PRUNE2: variants seen among roughly 807,000 people sequenced by gnomAD.
PRUNE2 encodes the protein protein prune homolog 2.
A neutral mutation model predicts 252.0 loss-of-function variants in PRUNE2; 164 were observed. That is an observed-to-expected ratio of 0.65 (90% CI 0.57 to 0.74). PRUNE2 has a LOEUF of 0.74. Among genes scored for constraint, PRUNE2 ranks in the 30% least tolerant of loss-of-function variants. The pLI, the probability that PRUNE2 is intolerant of heterozygous loss-of-function variation, is 0.00. For synonymous variants in PRUNE2, 1,292 were observed against 1,350.2 expected (o/e 0.96, Z 0.94); for missense variants, 3,495 against 3,711.0 (o/e 0.94, Z 1.51).
intron 9 of PRUNE2, among the ~76,000 whole-genome samples, chr9:76,664,765 G>C: frequency 6.6e-6 from 1 of 152,178 alleles, no homozygotes; most frequent in East Asian, 1.9e-4. Flanking sequence ...CTCCCACTTC[G>C]GCCTCCCAAA....
At chr9:76,646,185 A>G (rs1045568663) in intron 11 of PRUNE2, among the ~76,000 whole-genome samples, 1 of 152,334 alleles carries the variant, frequency 6.6e-6, no homozygotes, top group South Asian at 2.1e-4. Context: ...ATTCACTTCC[A>G]GCAACCCACT....
At chr9:76,870,331 G>T (rs1486509803) in intron 1 of PRUNE2, among the ~76,000 whole-genome samples, 1 of 150,020 alleles carries the variant, frequency 6.7e-6, no homozygotes, top group Non-Finnish European at 1.5e-5. Context: ...AATTTAATTC[G>T]CTGATAATTT....
chr9:76,800,226 G>A (rs1015677993), intron 6 of PRUNE2, among the ~76,000 whole-genome samples: 8 of 141,256 alleles, frequency 5.7e-5, no homozygotes, highest in Non-Finnish European at 9.2e-5. Flanking sequence ...ACAGGCCCCC[G>A]TGTGTGATGT....
chr9:76,755,995 G>A (rs1242769052), intron 6 of PRUNE2, among the ~76,000 whole-genome samples: 4 of 152,130 alleles, frequency 2.6e-5, no homozygotes, highest in East Asian at 3.9e-4. Flanking sequence ...GAGCCACCGC[G>A]CCTGGCCAGG....
intron 1 of PRUNE2, among the ~76,000 whole-genome samples, chr9:76,857,422 A>T (rs1205924205): frequency 6.6e-6 from 1 of 152,188 alleles, no homozygotes; most frequent in African/African-American, 2.4e-5. Flanking sequence ...AAGATGACCC[A>T]GCTTAGAATG....
chr9:76,646,964 G>C (rs547518035), intron 11 of PRUNE2, among the ~76,000 whole-genome samples: 12 of 152,222 alleles, frequency 7.9e-5, no homozygotes, highest in African/African-American at 2.4e-4. Context: ...AAGGCAGGTG[G>C]ATCACTTGAG....
intron 9 of PRUNE2, among the ~76,000 whole-genome samples, chr9:76,701,037 C>CG (rs1256982912): frequency 1.3e-5 from 2 of 152,302 alleles, no homozygotes; most frequent in African/African-American, 4.8e-5. Flanking sequence ...AACTCCTAGA[C>CG]GGCTGACAGT....
intron 6 of PRUNE2, chr9:76,758,555 A>G (rs1193732921): frequency 1.3e-5 from 2 of 149,962 alleles, no homozygotes; most frequent in African/African-American, 4.9e-5. Flanking sequence ...GATGGAGTGC[A>G]GCACCGTGAT....
rs540394006 is a variant in PRUNE2, at chr9:76,678,625, A to C, written c.8277-23123T>G. 4.6e-5 allele frequency among the ~76,000 whole-genome samples: 7 copies of C among 152,054 alleles called. No individual in the cohort carries two copies. In the South Asian group the frequency reaches 6.2e-4, roughly 14 times the overall value. On this transcript the variant is annotated intron_variant, in intron 9 of 18. Transcript: ENST00000376718. ...TGGGCGGATGACGAGGTCAGGAGAT[A>C]GAGACCATCCTGGCTAACACGGTGA...
intron 12 of PRUNE2, among the ~76,000 whole-genome samples, chr9:76,641,304 GA>G (rs1201515604): frequency 1.3e-5 from 2 of 152,200 alleles, no homozygotes; most frequent in Admixed American, 1.3e-4. Context: ...AGTAGCAGGA[GA>G]GGGGATAATT....
intron 6 of PRUNE2, among the ~76,000 whole-genome samples, chr9:76,814,970 T>C (rs1208626265): frequency 2.0e-5 from 3 of 152,194 alleles, no homozygotes; most frequent in Non-Finnish European, 4.4e-5. Flanking sequence ...ACTGTATTTG[T>C]GGCTAGAGTC....
rs1488906342 is a variant in PRUNE2 at position 76,614,549 on chromosome 9, C to T, written c.*21G>A. 2 of 1,604,666 alleles carry T rather than the reference C, an allele frequency of 1.2e-6. No individual in the cohort carries two copies. Among genetic ancestry groups the T allele is most frequent in the East Asian group, 2.2e-5 (1 of 44,802 alleles). On this transcript the variant is annotated 3_prime_UTR_variant, in exon 19 of 19. Transcript: ENST00000376718. ...CAGAACCATGAACCAGAAAAGCATC[C>T]TCTTCTTCCAGCATGGCCAACTAAG...
intron 9 of PRUNE2, among the ~76,000 whole-genome samples, chr9:76,679,915 A>C (rs1348721959): frequency 6.6e-6 from 1 of 152,222 alleles, no homozygotes; most frequent in Admixed American, 6.5e-5. Flanking sequence ...CTTCTAGCAT[A>C]AAACATAGAA....
At position 76,613,187 on chromosome 9, in the gene PRUNE2, T is replaced by G. The variant is rs1827964833; in HGVS notation, c.*1383A>C. ...ACATTGATTTTTGACAAAAATAAAT[T>G]AGTTTGCAGCCTCATTTGTCCGTTC... On this transcript the variant is annotated 3_prime_UTR_variant, in exon 19 of 19. Transcript: ENST00000376718. The G allele has an allele frequency of 6.6e-6, 1 of 152,238 alleles. No homozygotes were observed. The highest frequency in any genetic ancestry group is 2.1e-4 in the South Asian group (1 of 4,836). 9.4% of individuals were successfully genotyped at this position (152,238 alleles called of 1,614,324 possible).
intron 6 of PRUNE2, among the ~76,000 whole-genome samples, chr9:76,753,697 G>A (rs1254540933): frequency 3.3e-5 from 5 of 152,056 alleles, no homozygotes; most frequent in South Asian, 2.1e-4. Context: ...GGCAGATCAC[G>A]AGGTCAGGAG....
At chr9:76,854,235 C>A in intron 1 of PRUNE2, 27 bp from the exon 2 acceptor site, 1 of 1,267,906 alleles carries the variant, frequency 7.9e-7, no homozygotes, top group Non-Finnish European at 1.1e-6. Context: ...GGAAACATCA[C>A]AATTTAACAG....
intron 6 of PRUNE2, among the ~76,000 whole-genome samples, chr9:76,800,049 CTTTCT>C (rs971338118): frequency 6.6e-6 from 1 of 151,902 alleles, no homozygotes; most frequent in African/African-American, 2.4e-5. Flanking sequence ...AGCCCTCTCT[CTTTCT>C]TTTTTTTTAA....
intron 6 of PRUNE2, among the ~76,000 whole-genome samples, chr9:76,812,930 AT>A (rs1482975700): frequency 2.0e-5 from 3 of 152,192 alleles, no homozygotes; most frequent in African/African-American, 7.2e-5. Context: ...AAATTACATA[AT>A]TTGTGTTAAG....
In PRUNE2 at chr9:76,858,923, G is replaced by A. The variant is rs375050133; in HGVS notation, c.37-4715C>T. Among the ~76,000 whole-genome samples the A allele has an allele frequency of 1.1e-4, 17 of 152,248 alleles. No homozygotes were observed. In the South Asian group the frequency reaches 3.3e-3, roughly 30 times the overall value. ...GTTCAGCAAATAATTATTGCCTAAT[G>A]TATACATTTTCCAAATGTGACTCTG... is the stretch of plus-strand genomic sequence containing the variant. On this transcript the variant is annotated intron_variant, in intron 1 of 18. Transcript: ENST00000376718.
Sources: gnomAD v4.1 joint callset for allele counts (sites outside exome capture counted in the v4.1 genomes callset) on GRCh38, gnomAD v4.1.1 for gene constraint, MANE v1.5 for transcripts, NCBI Gene and HGNC (gene_info 2026-07-23, HGNC 2026-07-21) for gene names.